The following NISCH variants were observed in gnomAD, a reference collection of about 807,000 sequenced individuals.
The protein encoded by NISCH is I-1 receptor candidate protein.
Under a neutral mutation model 138.4 loss-of-function variants are expected in NISCH, and 55 were observed. That is an observed-to-expected ratio of 0.40 (90% CI 0.32 to 0.50). NISCH has a LOEUF of 0.50. Among genes scored for constraint, NISCH ranks in the 20% least tolerant of loss-of-function variants. NISCH has a pLI of 0.71. For synonymous variants in NISCH, 860 were observed against 861.5 expected (o/e 1.00, Z 0.03); for missense variants, 1,643 against 2,005.5 (o/e 0.82, Z 3.45).
At chr3:52,464,669 C>A (rs1033814607) in intron 3 of NISCH, among the ~76,000 whole-genome samples, 1 of 151,918 alleles carries the variant, frequency 6.6e-6, no homozygotes, top group African/African-American at 2.4e-5. Context: ...GGACTACAGG[C>A]GTACGCAACC....
intron 3 of NISCH, among the ~76,000 whole-genome samples, chr3:52,468,300 A>G (rs1706844226): frequency 6.6e-6 from 1 of 152,114 alleles, no homozygotes; most frequent in African/African-American, 2.4e-5. Flanking sequence ...TTTGTTCAGT[A>G]CTGATCGTGG....
intron 1 of NISCH, among the ~76,000 whole-genome samples, chr3:52,457,221 A>G (rs1375497851): frequency 6.6e-6 from 1 of 152,138 alleles, no homozygotes; most frequent in Non-Finnish European, 1.5e-5. Context: ...CAGGTTTTTA[A>G]CCCAGGCCTT....
At chr3:52,460,918 G>A (rs935037560) in intron 3 of NISCH, among the ~76,000 whole-genome samples, 6 of 152,052 alleles carry the variant, frequency 3.9e-5, no homozygotes, top group African/African-American at 1.4e-4. Context: ...GTGGATTATG[G>A]TCCTAAAAGC....
At chr3:52,480,655 C>T (rs1251831089) in intron 13 of NISCH, 1 of 1,423,206 alleles carries the variant, frequency 7.0e-7, no homozygotes, top group Non-Finnish European at 9.1e-7. Flanking sequence ...CTCCTGGTTA[C>T]AGGAAGCCGG....
intron 12 of NISCH, 25 bp from the exon 13 acceptor site, chr3:52,480,159 G>A (rs1324664291): frequency 6.2e-7 from 1 of 1,613,234 alleles, no homozygotes; most frequent in African/African-American, 1.3e-5. Context: ...TTCTCTCCCG[G>A]GCTGACTCAA....
intron 13 of NISCH, chr3:52,480,649 T>C (rs1707245633): frequency 7.0e-7 from 1 of 1,423,358 alleles, no homozygotes; most frequent in African/African-American, 1.4e-5. Context: ...GGTTGGCTCC[T>C]GGTTACAGGA....
At chr3:52,468,905 A>T (rs1028959045) in intron 3 of NISCH, among the ~76,000 whole-genome samples, 2 of 151,708 alleles carry the variant, frequency 1.3e-5, no homozygotes, top group African/African-American at 4.8e-5. Context: ...CATGAAGGAT[A>T]AAAAAAAATT....
At chr3:52,464,517 C>CTTTTTTTTTTTT (rs71084185) in intron 3 of NISCH, among the ~76,000 whole-genome samples, 6 of 75,820 alleles carry the variant, frequency 7.9e-5, no homozygotes, top group Admixed American at 2.2e-4. Flanking sequence ...TGTGAGTTGT[C>CTTTTTTTTTTTT]TTTTTTTTTT....
chr3:52,478,629 A>G lies in NISCH; in HGVS notation c.1302+52A>G, dbSNP rs777548531. The stretch of plus-strand genomic sequence containing the variant: ...CCAGGGAGACCTTCGGGATGCAGTC[A>G]AGTCTGCATGGGCGGTAGGGGGATA... On this transcript the variant is annotated intron_variant, in intron 11 of 20. Coordinates refer to ENST00000345716, the MANE Select transcript of NISCH (RefSeq NM_007184.4). 2.0e-6 allele frequency: 3 copies of G among 1,525,508 alleles called. No homozygotes were observed. In the South Asian group the frequency reaches 3.4e-5, roughly 17 times the overall value. 94.5% of individuals were successfully genotyped at this position (1,525,508 alleles called of 1,614,324 possible).
In NISCH at chr3:52,491,924, C is replaced by T. The variant is rs371582497; in HGVS notation, c.3957C>T (p.Tyr1319=). Residue 1319 remains tyrosine, a synonymous_variant, in exon 21 of 21, where the codon TAC becomes TAT. Coordinates refer to ENST00000345716, the MANE Select transcript of NISCH (RefSeq NM_007184.4). ...ACTCTAGTCGCGTCAAGTTTACCTA[C>T]CCCAGTGAGGAGGAGATTGGGGACC... The part of the protein sequence containing the change: ...LIHSSRVKFT[Y]PSEEEIGDLT... 5.0e-6 allele frequency: 8 copies of T among 1,612,914 alleles called. No individual in the cohort carries two copies. The African/African-American group carries it at 5.3e-5, about 11-fold the overall frequency.
chr3:52,486,584 G>C (rs1329579265), intron 15 of NISCH: 3 of 152,326 alleles, frequency 2.0e-5, no homozygotes, highest in African/African-American at 7.2e-5. Context: ...TAATTTTTCT[G>C]TTTTTAGTAG....
At position 52,484,874 on chromosome 3, in the gene NISCH, C is replaced by G. The variant is rs568587834; in HGVS notation, c.1653+237C>G. Among the ~76,000 whole-genome samples, 3 of 152,034 alleles carry G rather than the reference C, an allele frequency of 2.0e-5. No homozygotes were observed. The East Asian group carries it at 5.8e-4, about 29-fold the overall frequency. On this transcript the variant is annotated intron_variant, in intron 14 of 20. Transcript: ENST00000345716. ...CTCCCTCCTTCCCTTCCCCACCCAC[C>G]TTGGTTGATGGGAACAGGCAGTTCT...
intron 8 of NISCH, 75 bp from the exon 9 acceptor site, chr3:52,477,499 C>A: frequency 7.8e-7 from 1 of 1,280,520 alleles, no homozygotes; most frequent in South Asian, 1.2e-5. Context: ...CCTGGGGTGC[C>A]CGTCCACTGT....
intron 11 of NISCH, among the ~76,000 whole-genome samples, chr3:52,478,937 C>G (rs1707183736): frequency 6.6e-6 from 1 of 152,170 alleles, no homozygotes; most frequent in African/African-American, 2.4e-5. Flanking sequence ...CTCGCGGTGT[C>G]TGTGCACCTG....
intron 2 of NISCH, 109 bp downstream of exon 2, chr3:52,458,035 G>C: frequency 1.3e-6 from 1 of 759,734 alleles, no homozygotes; most frequent in Non-Finnish European, 2.3e-6. Context: ...CATCTCTATA[G>C]TTCTTTAATA....
chr3:52,489,510 C>T lies in NISCH; in HGVS notation c.3288C>T (p.Ala1096=). 2 of 1,612,210 alleles carry T rather than the reference C, an allele frequency of 1.2e-6. No homozygotes were observed. Among genetic ancestry groups the T allele is most frequent in the Non-Finnish European group, 1.7e-6 (2 of 1,179,086 alleles). The part of the protein sequence containing the change: ...VPEETPVEAP[A]PPPAEAPAQY... Reference sequence around the variant, plus strand: ...AGGAGACGCCAGTGGAAGCTCCAGCCCCACCCCCAGCCGAGGCCCCTGCCC... The same window carrying T: ...AGGAGACGCCAGTGGAAGCTCCAGCTCCACCCCCAGCCGAGGCCCCTGCCC... The change falls in exon 17 of 21, where the codon GCC becomes GCT. Residue 1096 remains alanine (A), a synonymous_variant. Coordinates refer to ENST00000345716, the MANE Select transcript of NISCH (RefSeq NM_007184.4).
intron 6 of NISCH, 80 bp downstream of exon 6, chr3:52,472,478 T>G: frequency 8.1e-7 from 1 of 1,234,222 alleles, no homozygotes; most frequent in Non-Finnish European, 1.2e-6. Flanking sequence ...GTGTCCTAAT[T>G]TAATCATAAG....
chr3:52,492,072 C>T lies in NISCH; in HGVS notation c.4105C>T (p.Arg1369Cys), dbSNP rs114899589. The change falls in exon 21 of 21, where the codon CGC becomes TGC. Residue 1369 changes from arginine (R) to cysteine (C), a missense_variant. Arg to Cys is a radical substitution (Grantham distance 180). Coordinates refer to ENST00000345716, the MANE Select transcript of NISCH (RefSeq NM_007184.4). ...CCCTGGGTGCTGCAGGGGCCCCCTG[C>T]GCCCCAAGACACTCCTGCTCACCAG... ...PPPGCCRGPL[R>C]PKTLLLTSSE... The T allele has an allele frequency of 3.1e-5, 50 of 1,613,090 alleles. No homozygotes were observed. In the African/African-American group the frequency reaches 5.1e-4, roughly 16 times the overall value.
At chr3:52,478,423 A>G in intron 10 of NISCH, 26 bp from the exon 11 acceptor site, 1 of 1,614,152 alleles carries the variant, frequency 6.2e-7, no homozygotes, top group Non-Finnish European at 8.5e-7. Flanking sequence ...GAAGGGACCA[A>G]AGGGGATGGA....
Sources: allele counts gnomAD v4.1 joint callset (sites outside exome capture counted in the v4.1 genomes callset), GRCh38; gene constraint gnomAD v4.1.1; transcripts MANE v1.5; gene names NCBI Gene and HGNC (gene_info 2026-07-23, HGNC 2026-07-21).